Variants in TTC23L observed in about 807,000 individuals in gnomAD.
TTC23L encodes tetratricopeptide repeat domain 23 like.
In TTC23L, 42 loss-of-function variants were observed where a neutral mutation model predicts 48.1. That is an observed-to-expected ratio of 0.87 (90% confidence interval 0.68 to 1.13). The LOEUF is 1.13. TTC23L is among the 50% of genes most tolerant of loss of function. TTC23L has a pLI of 0.00. For missense variants in TTC23L, 391 were observed against 421.0 expected (o/e 0.93, Z 0.62); for synonymous variants, 159 against 157.2 (o/e 1.01, Z -0.09).
chr5:34,843,933 A>G lies in TTC23L; in HGVS notation c.69-1554A>G, dbSNP rs116561644. ...AGTTTACTTTGCCAGCAGGCAAAGAAGACTCAGAAACAAACCAAAGAAACA... is the reference window on the plus strand; with the variant it reads ...AGTTTACTTTGCCAGCAGGCAAAGAGGACTCAGAAACAAACCAAAGAAACA... On this transcript the variant is annotated intron_variant, in intron 2 of 10. Coordinates refer to ENST00000505624, the Ensembl canonical transcript of TTC23L. 5.2e-3 allele frequency among the ~76,000 whole-genome samples: 789 copies of G among 152,370 alleles called. 6 individuals carry two copies. Among genetic ancestry groups the G allele is most frequent in the African/African-American group, 0.018 (757 of 41,586 alleles).
Position 34,846,657 on chromosome 5 carries a change from ATATGTGTGTATGTGTGTGTGTGTGTGTG to A in TTC23L, c.255+986_255+1013del, listed in dbSNP as rs1250403310. Among the ~76,000 whole-genome samples the A allele has an allele frequency of 5.3e-4, 53 of 100,282 alleles. 1 individual carries two copies. The highest frequency in any genetic ancestry group is 3.8e-3 in the South Asian group (9 of 2,358). 65.8% of individuals were successfully genotyped at this position (100,282 alleles called of 152,430 possible). A position where few individuals can be genotyped will look rare whatever the true frequency, so the allele number is the denominator to read the frequency against. On this transcript the variant is annotated intron_variant, in intron 3 of 10. Transcript: ENST00000505624. Reference sequence around the variant, plus strand: ...TATATACGTATATATACAAATACATATATGTGTGTATGTGTGTGTGTGTGTGTGTGTGTGTGTGTGTGTGTGTGTGTAT... The same window carrying A: ...TATATACGTATATATACAAATACATATGTGTGTGTGTGTGTGTGTGTGTAT...
chr5:34,925,587 C>G, the TTC23L span: 1 of 1,076,490 alleles, frequency 9.3e-7, no homozygotes, highest in Non-Finnish European at 1.3e-6. Context: ...TATCTTACGT[C>G]TAATTAGTGT....
At chr5:34,921,909 A>C in the TTC23L span, 57 of 145,048 alleles carry the variant, frequency 3.9e-4, no homozygotes, top group East Asian at 7.6e-4. Flanking sequence ...CTGCATCGCA[A>C]AAAAAAAAAA....
intron 9 of TTC23L, among the ~76,000 whole-genome samples, chr5:34,886,438 G>A (rs964831571): frequency 6.6e-6 from 1 of 150,974 alleles, no homozygotes; most frequent in Admixed American, 6.6e-5. Flanking sequence ...AAAGTCCCAG[G>A]TATTCAGCTA....
chr5:34,840,242 G>A lies in TTC23L; in HGVS notation c.-7-423G>A, dbSNP rs554799540. ...ATTAATTAGTGAAATGACCCCGGGG[G>A]GGGGGGGGAAAGCAGAATTAACCAA... On this transcript the variant is annotated intron_variant, in intron 1 of 10. Coordinates refer to ENST00000505624, the Ensembl canonical transcript of TTC23L. 4.9e-5 allele frequency among the ~76,000 whole-genome samples: 7 copies of A among 143,190 alleles called. 2 individuals carry two copies. The highest frequency in any genetic ancestry group is 2.3e-4 in the South Asian group (1 of 4,268). The allele number at this position is 143,190 out of a possible 152,430, so 93.9% of individuals were successfully genotyped here.
chr5:34,910,124 G>A, the TTC23L span, among the ~76,000 whole-genome samples: 1 of 151,984 alleles, frequency 6.6e-6, no homozygotes, highest in Non-Finnish European at 1.5e-5. Flanking sequence ...TACATATCCA[G>A]CCACTCCCTA....
At chr5:34,915,222 A>G in the TTC23L span, among the ~76,000 whole-genome samples, 1 of 152,182 alleles carries the variant, frequency 6.6e-6, no homozygotes, top group African/African-American at 2.4e-5. Flanking sequence ...GCCAAACAGG[A>G]GCTACAAATC....
chr5:34,885,832 G>A (rs1580480322), intron 9 of TTC23L, among the ~76,000 whole-genome samples: 1 of 152,006 alleles, frequency 6.6e-6, no homozygotes, highest in Non-Finnish European at 1.5e-5. Flanking sequence ...GTGTATGCAT[G>A]TATATTTATA....
chr5:34,917,461 G>A, the TTC23L span, among the ~76,000 whole-genome samples: 4 of 151,226 alleles, frequency 2.6e-5, no homozygotes, highest in South Asian at 2.1e-4. Flanking sequence ...GTGAAACCCC[G>A]TCTCTACTAA....
chr5:34,863,119 A>C lies in TTC23L; in HGVS notation c.536+65A>C. On this transcript the variant is annotated intron_variant, in intron 5 of 10. Coordinates refer to ENST00000505624, the Ensembl canonical transcript of TTC23L. The surrounding 1 kb of genome is among the most constrained non-coding windows in gnomAD (Gnocchi z 4.1). ...ACAGGCCACACATGCCAGATGGGTC[A>C]TCTCATACAGGAGGGTGGGAGATGG... 6.3e-7 allele frequency: 1 copy of C among 1,592,106 alleles called. No individual in the cohort carries two copies.
chr5:34,852,188 A>T (rs2150365184), intron 4 of TTC23L, among the ~76,000 whole-genome samples: 2 of 152,148 alleles, frequency 1.3e-5, no homozygotes, highest in South Asian at 4.1e-4. Flanking sequence ...CCTGGCCCCC[A>T]AGTAGATTTT....
chr5:34,910,747 C>T, the TTC23L span, among the ~76,000 whole-genome samples: 1 of 152,130 alleles, frequency 6.6e-6, no homozygotes. Context: ...TGTAATTCTT[C>T]TAAAGTAGTT....
At chr5:34,872,798 C>G (rs1561143156) in intron 8 of TTC23L, among the ~76,000 whole-genome samples, 1 of 152,204 alleles carries the variant, frequency 6.6e-6, no homozygotes, top group African/African-American at 2.4e-5. Flanking sequence ...CGGAGTGGCT[C>G]ACGCCTGTAA....
At chr5:34,888,104 A>G (rs1762646784) in intron 9 of TTC23L, among the ~76,000 whole-genome samples, 1 of 152,204 alleles carries the variant, frequency 6.6e-6, no homozygotes, top group Non-Finnish European at 1.5e-5. Flanking sequence ...CCCTTTTAAA[A>G]GAGACCTCAA....
chr5:34,852,505 G>C (rs1032246521), intron 4 of TTC23L, among the ~76,000 whole-genome samples: 3 of 152,156 alleles, frequency 2.0e-5, no homozygotes, highest in Admixed American at 6.5e-5. Flanking sequence ...GTTGGACTGG[G>C]TAGAGAAAGA....
chr5:34,895,122 T>C (rs1763127527), intron 9 of TTC23L, among the ~76,000 whole-genome samples: 1 of 152,222 alleles, frequency 6.6e-6, no homozygotes, highest in African/African-American at 2.4e-5. Context: ...TCATTATCTC[T>C]CAAAATGGCC....
intron 4 of TTC23L, among the ~76,000 whole-genome samples, chr5:34,856,651 A>G (rs945845457): frequency 2.0e-5 from 3 of 152,216 alleles, no homozygotes; most frequent in Admixed American, 6.5e-5. Flanking sequence ...AAACAGAAAG[A>G]TTTGGAAAAT....
chr5:34,848,707 A>G (rs568722734), intron 3 of TTC23L, among the ~76,000 whole-genome samples: 19 of 152,206 alleles, frequency 1.2e-4, no homozygotes, highest in African/African-American at 3.1e-4. Flanking sequence ...GCACAGCCCT[A>G]CATTGGAAGT....
chr5:34,867,230 A>C, intron 7 of TTC23L, 161 bp downstream of exon 7: 1 of 738,886 alleles, frequency 1.4e-6, no homozygotes, highest in Admixed American at 2.3e-5. Context: ...CCTTGATCAA[A>C]CCTTAAATGA....
Sources: allele counts gnomAD v4.1 joint callset (sites outside exome capture counted in the v4.1 genomes callset), GRCh38; gene constraint gnomAD v4.1.1; non-coding constraint Gnocchi (gnomAD v3.1); transcripts MANE v1.5; gene names NCBI Gene and HGNC (gene_info 2026-07-23, HGNC 2026-07-21).